The following ZRANB3 variants were observed in gnomAD, a reference collection of about 807,000 sequenced individuals.
ZRANB3 encodes the protein DNA annealing helicase and endonuclease ZRANB3.
A neutral mutation model predicts 133.8 loss-of-function variants in ZRANB3; 125 were observed. The ratio of observed to expected loss-of-function variants is 0.93; its 90% CI spans 0.81 to 1.08. ZRANB3 has a LOEUF of 1.08. Ranked by LOEUF, ZRANB3 falls within the 50% of genes least tolerant of loss-of-function variation. The pLI is 0.00. For missense variants in ZRANB3, 1,229 were observed against 1,275.5 expected, an observed-to-expected ratio of 0.96 and a Z score of 0.56; for synonymous variants, 387 against 432.7, an observed-to-expected ratio of 0.89 and a Z score of 1.31.
At chr2:135,402,338 G>A (rs1457599432) in intron 2 of ZRANB3, among the ~76,000 whole-genome samples, 5 of 146,208 alleles carry the variant, frequency 3.4e-5, no homozygotes, top group South Asian at 2.2e-4. Context: ...TCTGTTGCCC[G>A]GGCTGCAGTG....
At chr2:135,399,212 G>A (rs1016628631) in intron 2 of ZRANB3, among the ~76,000 whole-genome samples, 3 of 152,104 alleles carry the variant, frequency 2.0e-5, no homozygotes, top group African/African-American at 7.2e-5. Context: ...CAGCTCCCCA[G>A]GCCCCTTCCG....
chr2:135,354,425 G>A (rs1233229251), intron 3 of ZRANB3, among the ~76,000 whole-genome samples: 1 of 152,200 alleles, frequency 6.6e-6, no homozygotes, highest in African/African-American at 2.4e-5. Flanking sequence ...TATCCACACT[G>A]TCACAATGCC....
chr2:135,521,271 G>A (rs996043606), intron 1 of ZRANB3, among the ~76,000 whole-genome samples: 4 of 152,200 alleles, frequency 2.6e-5, no homozygotes, highest in East Asian at 1.9e-4. Flanking sequence ...TATTATGGCC[G>A]GGCATGATGG....
In ZRANB3 at chr2:135,434,764, T is replaced by C. The variant is rs372712247; in HGVS notation, c.162-43944A>G. ...GATAAGACTATAAACTAATCTAAGC[T>C]GAACAAGAAAGGTGCACATTATATA... On this transcript the variant is annotated intron_variant, in intron 2 of 20. Coordinates refer to ENST00000264159, the MANE Select transcript of ZRANB3 (RefSeq NM_032143.4). Among the ~76,000 whole-genome samples the C allele has an allele frequency of 3.3e-5, 5 of 152,216 alleles. No individual in the cohort carries two copies. The East Asian group carries it at 9.6e-4, about 29-fold the overall frequency.
intron 8 of ZRANB3, among the ~76,000 whole-genome samples, chr2:135,294,520 AT>A (rs1197250630): frequency 6.6e-6 from 1 of 151,792 alleles, no homozygotes; most frequent in Non-Finnish European, 1.5e-5. Context: ...CAGTCTATCA[AT>A]TTTTTTGATA....
intron 12 of ZRANB3, among the ~76,000 whole-genome samples, chr2:135,262,113 T>C (rs1490889538): frequency 1.4e-5 from 2 of 145,916 alleles, no homozygotes; most frequent in African/African-American, 5.2e-5. Context: ...TGAGCCAAGA[T>C]TGTGCCACTG....
intron 14 of ZRANB3, among the ~76,000 whole-genome samples, chr2:135,225,525 A>G (rs574955327): frequency 2.6e-5 from 4 of 152,354 alleles, no homozygotes; most frequent in South Asian, 4.1e-4. Flanking sequence ...GGCATTTTAC[A>G]ATCATTGCTG....
chr2:135,504,641 G>A (rs1693093984), intron 1 of ZRANB3, 145 bp from the exon 2 acceptor site: 8 of 782,572 alleles, frequency 1.0e-5, no homozygotes, highest in South Asian at 4.7e-5. Flanking sequence ...TATTCTCACA[G>A]TAAGCTACTA....
At chr2:135,413,871 A>G (rs1688429459) in intron 2 of ZRANB3, among the ~76,000 whole-genome samples, 1 of 152,158 alleles carries the variant, frequency 6.6e-6, no homozygotes, top group African/African-American at 2.4e-5. Flanking sequence ...TCATAAGTGA[A>G]GGAGAAATAA....
chr2:135,443,697 T>C (rs1296306170), intron 2 of ZRANB3, among the ~76,000 whole-genome samples: 1 of 152,068 alleles, frequency 6.6e-6, no homozygotes, highest in Non-Finnish European at 1.5e-5. Context: ...GTGAGGGACA[T>C]TCAACAAAAT....
At chr2:135,357,421 G>A (rs1490739880) in intron 3 of ZRANB3, among the ~76,000 whole-genome samples, 1 of 152,040 alleles carries the variant, frequency 6.6e-6, no homozygotes, top group South Asian at 2.1e-4. Context: ...TCAGCCTCCC[G>A]AGTAGCTGGG....
chr2:135,286,055 T>C (rs1350876886), intron 8 of ZRANB3, among the ~76,000 whole-genome samples: 1 of 152,242 alleles, frequency 6.6e-6, no homozygotes, highest in African/African-American at 2.4e-5. Flanking sequence ...TTTTAAAAAA[T>C]GTTCCATTGT....
chr2:135,396,254 G>A (rs568307365), intron 2 of ZRANB3, among the ~76,000 whole-genome samples: 22 of 152,256 alleles, frequency 1.4e-4, no homozygotes, highest in African/African-American at 5.3e-4. Context: ...CAATTTGGAG[G>A]TTCCTCACAA....
intron 2 of ZRANB3, among the ~76,000 whole-genome samples, chr2:135,434,467 G>C (rs185792059): frequency 5.3e-5 from 8 of 152,342 alleles, no homozygotes; most frequent in Non-Finnish European, 1.5e-5. Context: ...AAACATTGGA[G>C]AAGGAAGATA....
intron 1 of ZRANB3, among the ~76,000 whole-genome samples, chr2:135,509,685 A>G (rs992757173): frequency 7.2e-5 from 11 of 152,304 alleles, no homozygotes; most frequent in African/African-American, 2.6e-4. Context: ...CTTCAAAAAA[A>G]CTAACAGTTC....
intron 2 of ZRANB3, among the ~76,000 whole-genome samples, chr2:135,501,553 A>G (rs1692946330): frequency 6.6e-6 from 1 of 152,156 alleles, no homozygotes; most frequent in African/African-American, 2.4e-5. Flanking sequence ...TTTCCCAGTG[A>G]TCTTAAAAGC....
chr2:135,340,197 C>T (rs887500350), intron 6 of ZRANB3, among the ~76,000 whole-genome samples: 3 of 151,510 alleles, frequency 2.0e-5, no homozygotes, highest in Non-Finnish European at 4.4e-5. Flanking sequence ...CCTCCGCCTC[C>T]TCAGTTCTAG....
chr2:135,471,976 G>A (rs1304432435), intron 2 of ZRANB3, among the ~76,000 whole-genome samples: 1 of 152,106 alleles, frequency 6.6e-6, no homozygotes, highest in East Asian at 1.9e-4. Context: ...GGCTCCCAAA[G>A]GAAGAAAGCA....
chr2:135,213,065 T>G (rs901711726), intron 17 of ZRANB3, among the ~76,000 whole-genome samples: 2 of 151,600 alleles, frequency 1.3e-5, no homozygotes. Context: ...ATAATCTGGT[T>G]GGAGACCTTT....
Sources: gnomAD v4.1 joint callset for allele counts (sites outside exome capture counted in the v4.1 genomes callset) on GRCh38, gnomAD v4.1.1 for gene constraint, MANE v1.5 for transcripts, NCBI Gene and HGNC (gene_info 2026-07-23, HGNC 2026-07-21) for gene names.